The following GPHN variants were observed in gnomAD, a reference collection of about 807,000 sequenced individuals.
GPHN encodes gephyrin.
Under a neutral mutation model 95.5 loss-of-function variants are expected in GPHN, and 17 were observed. That is an observed-to-expected ratio of 0.18 (90% CI 0.12 to 0.27). GPHN has a LOEUF of 0.27. GPHN is among the 10% of genes least tolerant of loss of function. The pLI, the probability that GPHN is intolerant of heterozygous loss-of-function variation, is 1.00. For synonymous variants in GPHN, 320 were observed against 322.5 expected, an observed-to-expected ratio of 0.99 and a Z score of 0.08; for missense variants, 660 against 978.1, an observed-to-expected ratio of 0.67 and a Z score of 4.34.
intron 4 of GPHN, among the ~76,000 whole-genome samples, chr14:66,864,869 A>G (rs1258150830): frequency 2.0e-5 from 3 of 152,176 alleles, no homozygotes; most frequent in Non-Finnish European, 4.4e-5. Context: ...GAATCAACCT[A>G]AGTGTCCATC....
At chr14:67,561,870 A>C in the GPHN span, 2 of 158,158 alleles carry the variant, frequency 1.3e-5, no homozygotes, top group Non-Finnish European at 2.4e-5. Context: ...ACCCTGTCTC[A>C]AAAAAAAAAA....
chr14:67,248,908 A>G, the GPHN span, among the ~76,000 whole-genome samples: 1 of 151,956 alleles, frequency 6.6e-6, no homozygotes, highest in Non-Finnish European at 1.5e-5. Context: ...GATCCTCCCA[A>G]GTTGGCCTCC....
In GPHN at chr14:67,143,375, C is replaced by G; in HGVS notation, c.1762C>G (p.Leu588Val). The change falls in exon 18 of 23, where the codon CTC (leucine) becomes GTC (valine). Residue 588 changes from leucine to valine, a missense_variant. Physicochemically the swap from Leu to Val is conservative, Grantham distance 32 (BLOSUM62 1). This residue lies in a region of GPHN where 257 missense variants were observed against 376.2 expected (regional missense o/e 0.68). Coordinates refer to ENST00000478722, the MANE Select transcript of GPHN (RefSeq NM_020806.5). Reference sequence around the variant, plus strand: ...ATTTTTTTCCAGCCCAGATGACTTACTCAATGCCTTGAATGAGGGTATCAG... The same window carrying G: ...ATTTTTTTCCAGCCCAGATGACTTAGTCAATGCCTTGAATGAGGGTATCAG... ...GIVGDNPDDLLNALNEGISRA... is the reference protein window; with the variant it reads ...GIVGDNPDDLVNALNEGISRA... 6.2e-7 allele frequency: 1 copy of G among 1,607,224 alleles called. No homozygotes were observed. Among genetic ancestry groups the G allele is most frequent in the Non-Finnish European group, 8.5e-7 (1 of 1,173,772 alleles).
chr14:67,513,732 C>A, the GPHN span, among the ~76,000 whole-genome samples: 1 of 152,150 alleles, frequency 6.6e-6, no homozygotes, highest in African/African-American at 2.4e-5. Flanking sequence ...AGTCTAGGGC[C>A]CTCCAGTGCC....
At chr14:67,440,723 G>A in the GPHN span, among the ~76,000 whole-genome samples, 2 of 150,904 alleles carry the variant, frequency 1.3e-5, no homozygotes, top group African/African-American at 2.4e-5. Context: ...CTGCCTGGGC[G>A]ACAAAGTGGT....
chr14:66,722,586 A>G (rs1310285691), intron 2 of GPHN, among the ~76,000 whole-genome samples: 1 of 152,000 alleles, frequency 6.6e-6, no homozygotes, highest in Admixed American at 6.6e-5. Flanking sequence ...TAGGACTACA[A>G]GGATATGCCG....
chr14:67,050,942 A>G (rs1389244543), intron 10 of GPHN, among the ~76,000 whole-genome samples: 2 of 152,238 alleles, frequency 1.3e-5, no homozygotes, highest in East Asian at 1.9e-4. Flanking sequence ...CTGGGGAACC[A>G]TGCTTTTTCC....
chr14:66,932,189 T>C (rs1045600165), intron 8 of GPHN, among the ~76,000 whole-genome samples: 2 of 152,012 alleles, frequency 1.3e-5, no homozygotes, highest in Non-Finnish European at 2.9e-5. Flanking sequence ...CCAGGCAGAG[T>C]CTTGTTCTTT....
chr14:66,517,280 C>T (rs1322854092), intron 1 of GPHN, among the ~76,000 whole-genome samples: 1 of 151,986 alleles, frequency 6.6e-6, no homozygotes, highest in Non-Finnish European at 1.5e-5. Flanking sequence ...ATAGTCTAAA[C>T]TTTAAAAATT....
intron 1 of GPHN, among the ~76,000 whole-genome samples, chr14:66,531,982 G>A (rs1009080745): frequency 3.9e-5 from 6 of 152,132 alleles, no homozygotes; most frequent in African/African-American, 1.2e-4. Context: ...AAATGAATGA[G>A]CATTATAGTG....
chr14:67,430,831 G>A, the GPHN span, among the ~76,000 whole-genome samples: 1 of 152,186 alleles, frequency 6.6e-6, no homozygotes, highest in Non-Finnish European at 1.5e-5. Context: ...CTGATCCCCT[G>A]AGGATTCTGT....
At chr14:67,187,521 T>G in the GPHN span, among the ~76,000 whole-genome samples, 4 of 152,162 alleles carry the variant, frequency 2.6e-5, no homozygotes, top group East Asian at 7.7e-4. Flanking sequence ...CCTTCCCAAA[T>G]CTATCCTTCA....
intron 1 of GPHN, among the ~76,000 whole-genome samples, chr14:66,552,201 G>C (rs905206344): frequency 1.3e-5 from 2 of 152,048 alleles, no homozygotes; most frequent in Non-Finnish European, 2.9e-5. Context: ...TCACTATCAT[G>C]AGCAAAATAA....
At chr14:67,534,393 A>G in the GPHN span, among the ~76,000 whole-genome samples, 1 of 152,188 alleles carries the variant, frequency 6.6e-6, no homozygotes, top group African/African-American at 2.4e-5. Context: ...AGCCTGGGCA[A>G]CATAGGGAGA....
the GPHN span, chr14:67,333,584 C>G: frequency 6.6e-6 from 1 of 152,504 alleles, no homozygotes; most frequent in Non-Finnish European, 1.5e-5. Flanking sequence ...TTAGAAGCAC[C>G]AGTTTTTTTG....
At chr14:67,072,426 T>C (rs2076346762) in intron 11 of GPHN, among the ~76,000 whole-genome samples, 1 of 152,050 alleles carries the variant, frequency 6.6e-6, no homozygotes, top group Non-Finnish European at 1.5e-5. Flanking sequence ...ACTTTCTCAT[T>C]AGAGCACCTA....
At chr14:66,583,273 T>G (rs1383394715) in intron 1 of GPHN, among the ~76,000 whole-genome samples, 2 of 152,212 alleles carry the variant, frequency 1.3e-5, no homozygotes, top group African/African-American at 2.4e-5. Flanking sequence ...TCATTGAAGA[T>G]TCTGGATATT....
At chr14:67,139,796 T>G (rs1350632868) in intron 17 of GPHN, among the ~76,000 whole-genome samples, 1 of 151,928 alleles carries the variant, frequency 6.6e-6, no homozygotes, top group Non-Finnish European at 1.5e-5. Context: ...GAAAGGAGAG[T>G]TACAGAGAGT....
intron 11 of GPHN, among the ~76,000 whole-genome samples, chr14:67,067,708 G>T (rs1831711407): frequency 6.6e-6 from 1 of 152,146 alleles, no homozygotes; most frequent in South Asian, 2.1e-4. Flanking sequence ...GTTGATCTCA[G>T]ACTGCTGTGC....
Sources: allele counts gnomAD v4.1 joint callset (sites outside exome capture counted in the v4.1 genomes callset), GRCh38; gene constraint gnomAD v4.1.1; regional missense constraint gnomAD v4.1.1; transcripts MANE v1.5; gene names NCBI Gene and HGNC (gene_info 2026-07-23, HGNC 2026-07-21).